The following NTN4 variants were observed in gnomAD, a reference collection of about 807,000 sequenced individuals.
NTN4 encodes the protein netrin-4.
A neutral mutation model predicts 73.6 loss-of-function variants in NTN4; 32 were observed. The observed-to-expected ratio is 0.44, with a 90% CI of 0.33 to 0.58. The LOEUF (loss-of-function observed/expected upper bound fraction) is 0.58. NTN4 is among the 20% of genes least tolerant of loss of function. NTN4 has a pLI of 0.04. For missense variants in NTN4, 654 were observed against 798.3 expected, an observed-to-expected ratio of 0.82 and a Z score of 2.18; for synonymous variants, 258 against 287.5, an observed-to-expected ratio of 0.90 and a Z score of 1.04.
chr12:95,691,068 C>T (rs1010424306), intron 5 of NTN4, among the ~76,000 whole-genome samples: 2 of 152,246 alleles, frequency 1.3e-5, no homozygotes, highest in African/African-American at 2.4e-5. Flanking sequence ...AGCTCCAGGC[C>T]GAAGGCCCTG....
intron 7 of NTN4, among the ~76,000 whole-genome samples, chr12:95,676,070 T>G (rs2078271006): frequency 1.3e-5 from 2 of 152,208 alleles, no homozygotes; most frequent in South Asian, 2.1e-4. Flanking sequence ...TACAATGAAA[T>G]TAGATTAGAG....
chr12:95,662,724 T>C (rs555223580), intron 9 of NTN4, among the ~76,000 whole-genome samples: 9 of 152,334 alleles, frequency 5.9e-5, no homozygotes, highest in Non-Finnish European at 1.2e-4. Flanking sequence ...CAATATTTAA[T>C]TAACAGACTA....
chr12:95,737,806 G>T, intron 3 of NTN4, 60 bp downstream of exon 3: 1 of 1,536,714 alleles, frequency 6.5e-7, no homozygotes. Context: ...ACCAACCAAT[G>T]CCCAAAGCTG....
chr12:95,684,939 C>T (rs1215134062), intron 5 of NTN4, among the ~76,000 whole-genome samples: 1 of 152,030 alleles, frequency 6.6e-6, no homozygotes, highest in African/African-American at 2.4e-5. Flanking sequence ...GTGCTATCTC[C>T]ACTCACTGTA....
chr12:95,728,422 C>G (rs2078711366), intron 3 of NTN4, among the ~76,000 whole-genome samples: 1 of 152,130 alleles, frequency 6.6e-6, no homozygotes, highest in African/African-American at 2.4e-5. Flanking sequence ...TAACAGGGGA[C>G]TTTTCATGGA....
At chr12:95,669,168 A>T (rs531819231) in intron 8 of NTN4, among the ~76,000 whole-genome samples, 18 of 151,388 alleles carry the variant, frequency 1.2e-4, no homozygotes, top group Non-Finnish European at 2.2e-4. Flanking sequence ...AGATTGTGCC[A>T]CTGCACTCTA....
intron 3 of NTN4, among the ~76,000 whole-genome samples, chr12:95,719,295 G>A (rs1365887598): frequency 6.6e-6 from 1 of 151,944 alleles, no homozygotes; most frequent in Non-Finnish European, 1.5e-5. Flanking sequence ...TATTCTCTTA[G>A]ACCATCATGG....
rs56063223 is a variant in NTN4, at chr12:95,700,080, A to ATTTTTTTTTTTTTTTTTTTT, written c.1180+10341_1180+10360dup. Reference sequence around the variant, plus strand: ...AACAGTGTATTCTTCTAAAGTGAGGATTTTTTTTTTTTTTTTTTTTTTTTT... The same window carrying ATTTTTTTTTTTTTTTTTTTT: ...AACAGTGTATTCTTCTAAAGTGAGGATTTTTTTTTTTTTTTTTTTTTTTTTTTTTTTTTTTTTTTTTTTTT... On this transcript the variant is annotated intron_variant, in intron 5 of 9. Coordinates refer to ENST00000343702, the MANE Select transcript of NTN4 (RefSeq NM_021229.4). Among the ~76,000 whole-genome samples, 10 of 41,822 alleles carry ATTTTTTTTTTTTTTTTTTTT rather than the reference A, an allele frequency of 2.4e-4. 2 individuals are homozygous for ATTTTTTTTTTTTTTTTTTTT. Among genetic ancestry groups the ATTTTTTTTTTTTTTTTTTTT allele is most frequent in the Non-Finnish European group, 2.6e-4 (6 of 23,310 alleles). The allele number at this position is 41,822 out of a possible 152,430, so 27.4% of individuals were successfully genotyped here. A position where few individuals can be genotyped will look rare whatever the true frequency, so the allele number is the denominator to read the frequency against.
At position 95,787,558 on chromosome 12, in the gene NTN4, C is replaced by T. The variant is rs2079178817; in HGVS notation, c.56-90G>A. On this transcript the variant is annotated intron_variant, in intron 1 of 9. Transcript: ENST00000343702. ...GTCCATCAACAACAGTCAAGGATCT[C>T]CCCAAAAGCGCTTGAGACTTTCGAT... is the stretch of plus-strand genomic sequence containing the variant. The T allele has an allele frequency of 9.3e-6, 12 of 1,296,546 alleles. No individual in the cohort carries two copies. The East Asian group carries it at 2.8e-4, about 30-fold the overall frequency. The allele number at this position is 1,296,546 out of a possible 1,614,324, so 80.3% of individuals were successfully genotyped here. A position where few individuals can be genotyped will look rare whatever the true frequency, so the allele number is the denominator to read the frequency against.
intron 5 of NTN4, among the ~76,000 whole-genome samples, chr12:95,684,459 T>C (rs1384634056): frequency 6.6e-6 from 1 of 151,302 alleles, no homozygotes; most frequent in Non-Finnish European, 1.5e-5. Flanking sequence ...CCATCATACC[T>C]GGCTACTTAA....
intron 1 of NTN4, among the ~76,000 whole-genome samples, chr12:95,788,244 A>G (rs2079183809): frequency 6.6e-6 from 1 of 152,242 alleles, no homozygotes; most frequent in Non-Finnish European, 1.5e-5. Flanking sequence ...GACAGGTTAT[A>G]GAGTAGTTAA....
intron 2 of NTN4, among the ~76,000 whole-genome samples, chr12:95,764,430 C>T (rs188102066): frequency 6.6e-6 from 1 of 152,260 alleles, no homozygotes; most frequent in African/African-American, 2.4e-5. Context: ...TTTGGGAGGC[C>T]GAGGCCAGCG....
At position 95,665,823 on chromosome 12, in the gene NTN4, T is replaced by C. The variant is rs751404375; in HGVS notation, c.1737A>G (p.Pro579=). The C allele has an allele frequency of 1.2e-6, 2 of 1,613,320 alleles. No homozygotes were observed. Among genetic ancestry groups the C allele is most frequent in the Non-Finnish European group, 8.5e-7 (1 of 1,179,590 alleles). The part of the protein sequence containing the change: ...ESWTDRGCTC[P]ILNPGLEYLV... ...TCTAATACTCACCAGGATTGAGGAT[T>C]GGACAAGTGCATCCTCTGTCCGTCC... The change falls in exon 9 of 10, where the codon CCA becomes CCG. Residue 579 remains proline, a synonymous_variant. Coordinates refer to ENST00000343702, the MANE Select transcript of NTN4 (RefSeq NM_021229.4).
intron 5 of NTN4, among the ~76,000 whole-genome samples, chr12:95,704,787 AT>A (rs1300772926): frequency 6.6e-6 from 1 of 152,176 alleles, no homozygotes; most frequent in East Asian, 1.9e-4. Context: ...TCTGCCCCAA[AT>A]GTATCCTGGA....
chr12:95,737,959 A>G lies in NTN4; in HGVS notation c.771T>C (p.Ile257=). 6.2e-7 allele frequency: 1 copy of G among 1,614,074 alleles called. No homozygotes were observed. The highest frequency in any genetic ancestry group is 8.5e-7 in the Non-Finnish European group (1 of 1,179,986). ...HFTHYAIYDF[I]VKGSCFCNGH... ...CATTGCAGAAGCAGCTGCCCTTGACAATGAAATCATAGATTGCATAGTGTG... is the reference window on the plus strand; with the variant it reads ...CATTGCAGAAGCAGCTGCCCTTGACGATGAAATCATAGATTGCATAGTGTG... The change falls in exon 3 of 10, where the codon ATT becomes ATC. Residue 257 remains isoleucine (I), a synonymous_variant. Coordinates refer to ENST00000343702, the MANE Select transcript of NTN4 (RefSeq NM_021229.4).
At chr12:95,685,417 CT>C (rs1313685265) in intron 5 of NTN4, among the ~76,000 whole-genome samples, 1 of 152,180 alleles carries the variant, frequency 6.6e-6, no homozygotes, top group Non-Finnish European at 1.5e-5. Context: ...CTCCCAGAGC[CT>C]CTGTGACCTC....
chr12:95,738,119 G>C lies in NTN4; in HGVS notation c.611C>G (p.Pro204Arg). ...GEVIFKALSPPYDTENPYSAK... is the reference protein window; with the variant it reads ...GEVIFKALSPRYDTENPYSAK... Reference sequence around the variant, plus strand: ...ACTGTAAGGGTTCTCTGTATCGTATGGTGGTGACAAAGCTTTGAAAATAAC... The same window carrying C: ...ACTGTAAGGGTTCTCTGTATCGTATCGTGGTGACAAAGCTTTGAAAATAAC... The change falls in exon 3 of 10, where the codon CCA becomes CGA. Residue 204 changes from proline (P) to arginine (R), a missense_variant. Pro to Arg is a moderately radical substitution (Grantham distance 103). Transcript: ENST00000343702. 1 of 1,613,602 alleles carries C rather than the reference G, an allele frequency of 6.2e-7. No homozygotes were observed. Among genetic ancestry groups the C allele is most frequent in the Non-Finnish European group, 8.5e-7 (1 of 1,179,696 alleles).
At chr12:95,700,795 C>G (rs1461038333) in intron 5 of NTN4, among the ~76,000 whole-genome samples, 1 of 147,514 alleles carries the variant, frequency 6.8e-6, no homozygotes, top group East Asian at 2.0e-4. Context: ...TCTTCCCTTT[C>G]TTTTTTCTTT....
chr12:95,666,904 T>C (rs1204070691), intron 8 of NTN4, among the ~76,000 whole-genome samples: 1 of 152,050 alleles, frequency 6.6e-6, no homozygotes, highest in Admixed American at 6.6e-5. Context: ...ACACATAAAG[T>C]ACACTAACAC....
Sources: gnomAD v4.1 joint callset for allele counts (sites outside exome capture counted in the v4.1 genomes callset) on GRCh38, gnomAD v4.1.1 for gene constraint, MANE v1.5 for transcripts, NCBI Gene and HGNC (gene_info 2026-07-23, HGNC 2026-07-21) for gene names.